PARD3: variants seen among roughly 807,000 people sequenced by gnomAD.
The protein encoded by PARD3 is partitioning defective 3 homolog.
In PARD3, 75 loss-of-function variants were observed where a neutral mutation model predicts 155.4. The observed-to-expected ratio is 0.48, with a 90% CI of 0.40 to 0.58. The LOEUF is 0.58. PARD3 is among the 20% of genes least tolerant of loss of function. PARD3 has a pLI of 0.00. For missense variants in PARD3, 1,642 were observed against 1,721.7 expected (o/e 0.95, Z 0.82); for synonymous variants, 576 against 610.5 (o/e 0.94, Z 0.83).
intron 2 of PARD3, among the ~76,000 whole-genome samples, chr10:34,625,763 T>C (rs2091950458): frequency 6.6e-6 from 1 of 151,864 alleles, no homozygotes. Context: ...AAATAAAAAT[T>C]AGCCAGGCGT....
At chr10:34,543,452 T>C (rs1263001492) in intron 2 of PARD3, among the ~76,000 whole-genome samples, 1 of 152,304 alleles carries the variant, frequency 6.6e-6, no homozygotes, top group South Asian at 2.1e-4. Flanking sequence ...CTGTTCACCA[T>C]GCATACTTCA....
chr10:34,651,011 C>CAAAA (rs60113552), intron 2 of PARD3, among the ~76,000 whole-genome samples: 9 of 44,544 alleles, frequency 2.0e-4, no homozygotes, highest in African/African-American at 2.6e-4. Context: ...AACTCTGTCT[C>CAAAA]AAAAAAAAAA....
intron 2 of PARD3, among the ~76,000 whole-genome samples, chr10:34,615,959 G>C (rs1215809413): frequency 6.6e-6 from 1 of 152,224 alleles, no homozygotes; most frequent in Admixed American, 6.5e-5. Flanking sequence ...TGGTGAGGAT[G>C]TGGAGAAAGG....
At chr10:34,608,684 G>A (rs981594491) in intron 2 of PARD3, among the ~76,000 whole-genome samples, 10 of 151,814 alleles carry the variant, frequency 6.6e-5, no homozygotes, top group Non-Finnish European at 8.8e-5. Flanking sequence ...ACAGGTGCCT[G>A]CCACCACGCT....
chr10:34,417,155 T>C (rs1051356071), intron 5 of PARD3, among the ~76,000 whole-genome samples: 3 of 151,156 alleles, frequency 2.0e-5, no homozygotes, highest in African/African-American at 4.9e-5. Flanking sequence ...CTTCAAGCCT[T>C]TGGGGAGACT....
chr10:34,636,530 T>C (rs115229032), intron 2 of PARD3, among the ~76,000 whole-genome samples: 1,829 of 152,308 alleles, frequency 0.012, 41 homozygotes, highest in African/African-American at 0.041. Flanking sequence ...CAGGTGCTTC[T>C]GCGGGGTGGA....
intron 20 of PARD3, among the ~76,000 whole-genome samples, chr10:34,288,885 G>A (rs535875948): frequency 6.6e-6 from 1 of 152,298 alleles, no homozygotes; most frequent in Non-Finnish European, 1.5e-5. Context: ...GTGTCAGGCT[G>A]AAAGGTAAAG....
intron 22 of PARD3, among the ~76,000 whole-genome samples, chr10:34,201,405 C>T (rs556886801): frequency 2.4e-4 from 36 of 152,202 alleles, no homozygotes; most frequent in African/African-American, 7.9e-4. Context: ...TTATAACAAA[C>T]GCAGATCCTT....
intron 2 of PARD3, among the ~76,000 whole-genome samples, chr10:34,654,668 C>A (rs1458184298): frequency 6.6e-6 from 1 of 152,206 alleles, no homozygotes; most frequent in East Asian, 1.9e-4. Context: ...GCCCTGCAAT[C>A]ACAAGATGCT....
At chr10:34,683,623 A>G (rs1431957173) in intron 2 of PARD3, among the ~76,000 whole-genome samples, 1 of 151,330 alleles carries the variant, frequency 6.6e-6, no homozygotes, top group East Asian at 1.9e-4. Flanking sequence ...GGTGTAACAG[A>G]AAGAGTGAGA....
chr10:34,142,672 A>C (rs1226605653), intron 22 of PARD3, among the ~76,000 whole-genome samples: 2 of 152,090 alleles, frequency 1.3e-5, no homozygotes, highest in Non-Finnish European at 2.9e-5. Flanking sequence ...GGAAGGCAGG[A>C]AGGCAGGCAG....
intron 22 of PARD3, among the ~76,000 whole-genome samples, chr10:34,171,754 A>T (rs939614894): frequency 6.6e-6 from 1 of 151,906 alleles, no homozygotes; most frequent in Non-Finnish European, 1.5e-5. Flanking sequence ...GTTCAAGACC[A>T]GCCTAGCCAA....
At chr10:34,126,249 A>G (rs780442205) in intron 23 of PARD3, among the ~76,000 whole-genome samples, 41 of 152,198 alleles carry the variant, frequency 2.7e-4, no homozygotes, top group Non-Finnish European at 1.0e-4. Flanking sequence ...AGGCCCAGAC[A>G]TTATTTTGAA....
At chr10:34,669,075 C>G (rs1418648733) in intron 2 of PARD3, among the ~76,000 whole-genome samples, 1 of 152,104 alleles carries the variant, frequency 6.6e-6, no homozygotes, top group Non-Finnish European at 1.5e-5. Flanking sequence ...ACTAAAATTA[C>G]AACTACCATT....
intron 2 of PARD3, among the ~76,000 whole-genome samples, chr10:34,658,806 G>A (rs1394054349): frequency 6.6e-6 from 1 of 152,100 alleles, no homozygotes; most frequent in Non-Finnish European, 1.5e-5. Flanking sequence ...TGGCTGAACT[G>A]CAGCTGAGAA....
chr10:34,701,333 A>ATGATGTTGTTGTTGTTGTTGTTGT (rs1554815382), intron 1 of PARD3, among the ~76,000 whole-genome samples: 1 of 149,862 alleles, frequency 6.7e-6, no homozygotes, highest in Non-Finnish European at 1.5e-5. Flanking sequence ...ACACGCGGGG[A>ATGATGTTGTTGTTGTTGTTGTTGT]TGTTGTTGTT....
chr10:34,701,683 C>T (rs2094282055), intron 1 of PARD3, among the ~76,000 whole-genome samples: 1 of 151,960 alleles, frequency 6.6e-6, no homozygotes, highest in Non-Finnish European at 1.5e-5. Context: ...TCACTCAAGC[C>T]CAGGAGCTCC....
chr10:34,431,125 AGATTGCAGT>A (rs2075876497), intron 5 of PARD3, among the ~76,000 whole-genome samples: 2 of 152,336 alleles, frequency 1.3e-5, no homozygotes, highest in East Asian at 3.9e-4. Flanking sequence ...AGCTTACTCC[AGATTGCAGT>A]TAATAAGTAT....
chr10:34,350,937 C>CA lies in PARD3; in HGVS notation c.2068-2823dup, dbSNP rs201525393. ...AACTTGGAAATATATTACCACAGGG[C>CA]AAAAAAAAATCTTATTTTTAACTCT... On this transcript the variant is annotated intron_variant, in intron 14 of 24. Coordinates refer to ENST00000374788, the MANE Select transcript of PARD3 (RefSeq NM_001184785.2). Among the ~76,000 whole-genome samples the CA allele has an allele frequency of 5.3e-4, 79 of 150,010 alleles. 1 individual carries two copies. The Middle Eastern group carries it at 0.01, about 19-fold the overall frequency.
Sources: gnomAD v4.1 joint callset for allele counts (sites outside exome capture counted in the v4.1 genomes callset) on GRCh38, gnomAD v4.1.1 for gene constraint, MANE v1.5 for transcripts, NCBI Gene and HGNC (gene_info 2026-07-23, HGNC 2026-07-21) for gene names.